IDS: variants seen among roughly 807,000 people sequenced by gnomAD.
IDS encodes iduronate 2-sulfatase.
IDS carries 1 observed loss-of-function variant against 33.5 expected under a neutral mutation model. That is an observed-to-expected ratio of 0.03 (90% confidence interval 0.01 to 0.14). IDS has a LOEUF of 0.14. IDS is among the 10% of genes least tolerant of loss of function. The probability of loss-of-function intolerance (pLI) is 1.00; values close to 1 mark genes in which losing one functional copy is unlikely to be tolerated. For synonymous variants in IDS, 191 were observed against 184.4 expected (o/e 1.04, Z -0.29); for missense variants, 328 against 448.0 (o/e 0.73, Z 2.42).
intron 1 of IDS, 29 bp downstream of exon 1, chrX:149,505,006 A>C: frequency 1.9e-6 from 2 of 1,068,967 alleles, no homozygotes; most frequent in Non-Finnish European, 2.6e-6. Context: ...GGAAGGGAGA[A>C]GAGATGGCAG....
chrX:149,497,901 C>G (rs1557339470), intron 5 of IDS, among the ~76,000 whole-genome samples: 1 of 112,534 alleles, frequency 8.9e-6, no homozygotes, highest in Non-Finnish European at 1.9e-5. Flanking sequence ...AAGCGGAAAG[C>G]CAAGCATTTC....
chrX:149,487,430 T>A lies in IDS; in HGVS notation c.1007-332A>T. On this transcript the variant is annotated intron_variant, in intron 7 of 8. Coordinates refer to ENST00000340855, the MANE Select transcript of IDS (RefSeq NM_000202.8). ...TCCCACACATGCGTTCCTCCCCTGC[T>A]AAGACATGCTCATTCTTGACAGGCT... The A allele has an allele frequency of 5.5e-6, 3 of 542,588 alleles. No individual in the cohort carries two copies. In the South Asian group the frequency reaches 8.1e-5, roughly 15 times the overall value. The allele number at this position is 542,588 out of a possible 1,213,427, so 44.7% of individuals were successfully genotyped here.
chrX:149,483,636 A>G (rs782435344), intron 8 of IDS, among the ~76,000 whole-genome samples: 1 of 112,255 alleles, frequency 8.9e-6, no homozygotes, highest in South Asian at 3.7e-4. Flanking sequence ...TTTGCATTTT[A>G]TTACGATCAA....
intron 4 of IDS, among the ~76,000 whole-genome samples, chrX:149,499,521 T>C (rs1557339705): frequency 9.0e-6 from 1 of 111,040 alleles, no homozygotes; most frequent in African/African-American, 3.3e-5. Context: ...AGACCAAAAA[T>C]AGTTCAGTTG....
chrX:149,503,620 A>G (rs2089498766), intron 2 of IDS, 131 bp from the exon 3 acceptor site: 2 of 600,954 alleles, frequency 3.3e-6, no homozygotes, highest in East Asian at 7.1e-5. Context: ...CAGAGCTCAA[A>G]CCAGACACTG....
intron 7 of IDS, among the ~76,000 whole-genome samples, chrX:149,489,394 T>C (rs782532398): frequency 8.9e-6 from 1 of 112,300 alleles, no homozygotes; most frequent in African/African-American, 3.2e-5. Context: ...TGTGTGCATA[T>C]GTGCACAACT....
In IDS at chrX:149,481,528, G is replaced by A. The variant is rs2089296308; in HGVS notation, c.*1218C>T. ...ACTAAAAATTACTCCTTCACTACAG[G>A]ACAGTAGATATTTAATATTTATTTA... On this transcript the variant is annotated 3_prime_UTR_variant, in exon 9 of 9. Coordinates refer to ENST00000340855, the MANE Select transcript of IDS (RefSeq NM_000202.8). The A allele has an allele frequency of 8.9e-6, 1 of 112,011 alleles. No homozygotes were observed. The highest frequency in any genetic ancestry group is 9.5e-5 in the Admixed American group (1 of 10,556). The allele number at this position is 112,011 out of a possible 1,213,427, so 9.2% of individuals were successfully genotyped here. A position where few individuals can be genotyped will look rare whatever the true frequency, so the allele number is the denominator to read the frequency against.
intron 8 of IDS, among the ~76,000 whole-genome samples, chrX:149,485,886 G>C (rs1602729151): frequency 8.9e-6 from 1 of 112,080 alleles, no homozygotes; most frequent in East Asian, 2.8e-4. Flanking sequence ...AAATTGGGTA[G>C]TATAAAGCAA....
intron 6 of IDS, among the ~76,000 whole-genome samples, chrX:149,491,895 A>G (rs781879036): frequency 4.2e-4 from 47 of 112,347 alleles, no homozygotes; most frequent in Non-Finnish European, 7.5e-5. Context: ...ATGAGTACTC[A>G]GACACAGGTA....
In IDS at chrX:149,488,746, C is replaced by T. The variant is rs781905224; in HGVS notation, c.1006+1568G>A. ...GTGCTGCTGCAGCCAGGAGCAAATA[C>T]GGGGAAGTCTGGCTAAGGAGAACGC... is the stretch of plus-strand genomic sequence containing the variant. On this transcript the variant is annotated intron_variant, in intron 7 of 8. Transcript: ENST00000340855. Among the ~76,000 whole-genome samples, 354 of 111,128 alleles carry T rather than the reference C, an allele frequency of 3.2e-3. 2 individuals carry two copies. The highest frequency in any genetic ancestry group is 0.011 in the African/African-American group (333 of 30,574).
intron 4 of IDS, among the ~76,000 whole-genome samples, chrX:149,500,651 C>T (rs1357210138): frequency 1.8e-5 from 2 of 111,961 alleles, no homozygotes; most frequent in Non-Finnish European, 3.8e-5. Context: ...CTCAGCATCT[C>T]CTACAACTCT....
intron 8 of IDS, among the ~76,000 whole-genome samples, chrX:149,485,823 G>T (rs782003405): frequency 8.9e-6 from 1 of 112,051 alleles, no homozygotes; most frequent in Non-Finnish European, 1.9e-5. Flanking sequence ...TTCTATCAAT[G>T]ACATGAAAGA....
At chrX:149,487,136 A>C (rs2089343702) in intron 7 of IDS, 38 bp from the exon 8 acceptor site, 2 of 1,210,727 alleles carry the variant, frequency 1.7e-6, no homozygotes, top group Non-Finnish European at 2.2e-6. Flanking sequence ...GAAAATGAAT[A>C]ATCATCATAC....
At position 149,496,475 on chromosome X, in the gene IDS, G is replaced by A. The variant is rs200287137; in HGVS notation, c.750C>T (p.Ala250=). The change falls in exon 6 of 9, where the codon GCC becomes GCT. Residue 250 remains alanine, a synonymous_variant. Transcript: ENST00000340855. ...KLYPLENITL[A]PDPEVPDGLP... is the part of the protein sequence containing the mutation. ...GGCCATCAGGGACCTCGGGATCGGGGGCCAGGGTGATGTTCTCCAAGGGAT... is the reference window on the plus strand; with the variant it reads ...GGCCATCAGGGACCTCGGGATCGGGAGCCAGGGTGATGTTCTCCAAGGGAT... The A allele has an allele frequency of 1.7e-6, 2 of 1,209,620 alleles. No individual in the cohort carries two copies. Among genetic ancestry groups the A allele is most frequent in the African/African-American group, 3.5e-5 (2 of 57,158 alleles).
At chrX:149,500,827 C>A in intron 4 of IDS, 122 bp downstream of exon 4, 1 of 540,836 alleles carries the variant, frequency 1.8e-6, no homozygotes, top group Non-Finnish European at 3.3e-6. Context: ...AACATTATCA[C>A]AAATGAAACC....
intron 6 of IDS, among the ~76,000 whole-genome samples, chrX:149,493,685 G>A (rs1406800267): frequency 5.4e-5 from 6 of 111,037 alleles, no homozygotes; most frequent in African/African-American, 2.0e-4. Context: ...CTCGAGCCCA[G>A]AACATGCATA....
chrX:149,494,343 C>G (rs1459646169), intron 6 of IDS, among the ~76,000 whole-genome samples: 1 of 111,952 alleles, frequency 8.9e-6, no homozygotes, highest in African/African-American at 3.3e-5. Flanking sequence ...GAAATCCATA[C>G]TCTAGCAATC....
chrX:149,504,798 C>A (rs782481174), intron 1 of IDS, among the ~76,000 whole-genome samples: 1 of 102,245 alleles, frequency 9.8e-6, no homozygotes, highest in East Asian at 3.1e-4. Flanking sequence ...GGAAGGGAAG[C>A]ACGGAGGGAT....
chrX:149,480,522 C>G lies in IDS; in HGVS notation c.*2224G>C. On this transcript the variant is annotated 3_prime_UTR_variant, in exon 9 of 9. Transcript: ENST00000340855. ...GAAAATCACAGTCCTGCTGTGTTGCCGAGGCTGGAATACAATGGCACGATC... is the reference window on the plus strand; with the variant it reads ...GAAAATCACAGTCCTGCTGTGTTGCGGAGGCTGGAATACAATGGCACGATC... The G allele has an allele frequency of 3.4e-6, 1 of 295,480 alleles. No homozygotes were observed. Among genetic ancestry groups the G allele is most frequent in the Non-Finnish European group, 5.9e-6 (1 of 169,245 alleles). The allele number at this position is 295,480 out of a possible 1,213,427, so 24.4% of individuals were successfully genotyped here.
Sources: gnomAD v4.1 joint callset for allele counts (sites outside exome capture counted in the v4.1 genomes callset) on GRCh38, gnomAD v4.1.1 for gene constraint, MANE v1.5 for transcripts, NCBI Gene and HGNC (gene_info 2026-07-23, HGNC 2026-07-21) for gene names.